Variants in SHC2 observed in about 807,000 individuals in gnomAD.
SHC2 encodes SHC adaptor protein 2.
SHC2 carries 62 observed loss-of-function variants against 60.6 expected under a neutral mutation model. The ratio of observed to expected loss-of-function variants is 1.02; its 90% CI spans 0.83 to 1.26. The LOEUF (loss-of-function observed/expected upper bound fraction) is 1.26, where lower values mean the gene tolerates loss of function less well. SHC2 is among the 50% of genes most tolerant of loss of function. SHC2 has a pLI of 0.00. For missense variants in SHC2, 873 were observed against 822.2 expected, an observed-to-expected ratio of 1.06 and a Z score of -0.76; for synonymous variants, 375 against 372.4, an observed-to-expected ratio of 1.01 and a Z score of -0.08.
At chr19:421,441 A>G (rs1480747657) in intron 11 of SHC2, among the ~76,000 whole-genome samples, 1 of 117,732 alleles carries the variant, frequency 8.5e-6, no homozygotes, top group Non-Finnish European at 1.7e-5. Context: ...AAGAGAGAAA[A>G]AAAGGAAAGG....
At position 422,602 on chromosome 19, in the gene SHC2, T is replaced by A; in HGVS notation, c.1310-146A>T. Reference sequence around the variant, plus strand: ...ACCGAGCGCCCACAGCGTATCAGACTCGCACTCTGCCCAGCCCCGTGCGTG... The same window carrying A: ...ACCGAGCGCCCACAGCGTATCAGACACGCACTCTGCCCAGCCCCGTGCGTG... On this transcript the variant is annotated intron_variant, in intron 10 of 12. Transcript: ENST00000264554. This position sits in a 1 kb window ranked among gnomAD's most constrained non-coding sequence, Gnocchi z 5.0. 1 of 663,852 alleles carries A rather than the reference T, an allele frequency of 1.5e-6. No individual in the cohort carries two copies. The highest frequency in any genetic ancestry group is 2.5e-6 in the Non-Finnish European group (1 of 395,532). 41.1% of individuals were successfully genotyped at this position (663,852 alleles called of 1,614,324 possible).
intron 1 of SHC2, among the ~76,000 whole-genome samples, chr19:450,865 G>C (rs369991753): frequency 2.0e-5 from 3 of 147,556 alleles, no homozygotes; most frequent in Non-Finnish European, 4.5e-5. Flanking sequence ...GTATTTCAGC[G>C]TGTGGATGGC....
intron 4 of SHC2, among the ~76,000 whole-genome samples, chr19:437,021 C>T (rs1974739786): frequency 6.6e-6 from 1 of 151,896 alleles, no homozygotes; most frequent in Non-Finnish European, 1.5e-5. Context: ...ACCCCAAGCC[C>T]CACACACATG....
At chr19:428,029 G>C (rs1974466180) in intron 9 of SHC2, among the ~76,000 whole-genome samples, 1 of 152,196 alleles carries the variant, frequency 6.6e-6, no homozygotes, top group African/African-American at 2.4e-5. Flanking sequence ...AGGGCTTTGA[G>C]ATCAGCCTGG....
In SHC2 at chr19:422,273, T is replaced by A; in HGVS notation, c.1493A>T (p.Glu498Val). Residue 498 changes from glutamate (E) to valine (V), a missense_variant, in exon 11 of 13, where the codon GAG (glutamate) becomes GTG (valine). By Grantham distance (121) the Glu-to-Val change is moderately radical (BLOSUM62 -2). Coordinates refer to ENST00000264554, the MANE Select transcript of SHC2 (RefSeq NM_012435.3). The surrounding 1 kb of genome is among the most constrained non-coding windows in gnomAD (Gnocchi z 5.0). ...GTCCCCGTCAGCTCGAAGCATCCTCTCTGCCGCCCGGCGGCTCATCCGGCC... is the reference window on the plus strand; with the variant it reads ...GTCCCCGTCAGCTCGAAGCATCCTCACTGCCGCCCGGCGGCTCATCCGGCC... ...YHGRMSRRAA[E>V]RMLRADGDFL... The A allele has an allele frequency of 6.2e-7, 1 of 1,612,454 alleles. No individual in the cohort carries two copies. The highest frequency in any genetic ancestry group is 1.1e-5 in the South Asian group (1 of 90,948).
intron 1 of SHC2, among the ~76,000 whole-genome samples, chr19:459,408 G>C (rs1359338870): frequency 1.5e-4 from 21 of 136,928 alleles, no homozygotes; most frequent in Admixed American, 2.9e-4. Flanking sequence ...GGACCCCACT[G>C]AACCCAGCGT....
At position 424,980 on chromosome 19, in the gene SHC2, AG is replaced by A; in HGVS notation, c.1309+116del. ...CGACTTGAAGGATCTCACGGGGAGA[AG>A]GGAGCCTCCCCCATCAGACCAGGGA... On this transcript the variant is annotated intron_variant, in intron 10 of 12. Coordinates refer to ENST00000264554, the MANE Select transcript of SHC2 (RefSeq NM_012435.3). This position sits in a 1 kb window ranked among gnomAD's most constrained non-coding sequence, Gnocchi z 4.5. 2 of 1,132,492 alleles carry A rather than the reference AG, an allele frequency of 1.8e-6. No homozygotes were observed. Among genetic ancestry groups the A allele is most frequent in the Non-Finnish European group, 2.3e-6 (2 of 857,276 alleles). The allele number at this position is 1,132,492 out of a possible 1,614,324, so 70.2% of individuals were successfully genotyped here.
At chr19:456,661 C>T (rs1170158616) in intron 1 of SHC2, among the ~76,000 whole-genome samples, 4 of 152,316 alleles carry the variant, frequency 2.6e-5, no homozygotes, top group East Asian at 1.9e-4. Flanking sequence ...GTGACGCACA[C>T]GCACCAGGTC....
In SHC2 at chr19:440,794, C is replaced by T; in HGVS notation, c.539+68G>A. 1 of 1,375,338 alleles carries T rather than the reference C, an allele frequency of 7.3e-7. No individual in the cohort carries two copies. The highest frequency in any genetic ancestry group is 1.0e-6 in the Non-Finnish European group (1 of 974,976). The allele number at this position is 1,375,338 out of a possible 1,614,324, so 85.2% of individuals were successfully genotyped here. On this transcript the variant is annotated intron_variant, in intron 2 of 12. Coordinates refer to ENST00000264554, the MANE Select transcript of SHC2 (RefSeq NM_012435.3). This position sits in a 1 kb window ranked among gnomAD's most constrained non-coding sequence, Gnocchi z 7.0. Reference sequence around the variant, plus strand: ...CTGTCGGAGAGCCCATCGCTGCCGCCCTCCAGTGCTGCCGCCCTCCAGTGC... The same window carrying T: ...CTGTCGGAGAGCCCATCGCTGCCGCTCTCCAGTGCTGCCGCCCTCCAGTGC...
In SHC2 at chr19:424,243, G is replaced by C. The variant is rs983904614; in HGVS notation, c.1309+854C>G. ...ACAAGCCTCCTCCGCCCGGCTGGGG[G>C]CTCCCTCGGGCTGGGTCATCCACGG... is the stretch of plus-strand genomic sequence containing the variant. On this transcript the variant is annotated intron_variant, in intron 10 of 12. Coordinates refer to ENST00000264554, the MANE Select transcript of SHC2 (RefSeq NM_012435.3). This position sits in a 1 kb window ranked among gnomAD's most constrained non-coding sequence, Gnocchi z 4.5. Among the ~76,000 whole-genome samples the C allele has an allele frequency of 6.6e-6, 1 of 152,198 alleles. No homozygotes were observed. The highest frequency in any genetic ancestry group is 1.5e-5 in the Non-Finnish European group (1 of 68,036).
intron 9 of SHC2, among the ~76,000 whole-genome samples, chr19:429,248 TACCC>T (rs1974501855): frequency 7.6e-6 from 1 of 132,354 alleles, no homozygotes; most frequent in African/African-American, 2.9e-5. Context: ...ACAGTACCTA[TACCC>T]AACATGCACG....
At position 460,944 on chromosome 19, in the gene SHC2, T is replaced by TCGGGGGGCG. The variant is rs921418576; in HGVS notation, c.44_52dup (p.Ala15_Pro17dup). 2.3e-4 allele frequency: 226 copies of TCGGGGGGCG among 984,638 alleles called. No individual in the cohort carries two copies. The highest frequency in any genetic ancestry group is 5.0e-4 in the Admixed American group (8 of 16,060). The allele number at this position is 984,638 out of a possible 1,614,324, so 61.0% of individuals were successfully genotyped here. On this transcript the variant is annotated inframe_insertion, in exon 1 of 13. Coordinates refer to ENST00000264554, the MANE Select transcript of SHC2 (RefSeq NM_012435.3). ...GCAGAAGGTGGTGGGCGCCTCGGGC[T>TCGGGGGGCG]CGGGGGGCGCGGGGGGCGCCGGGGG...
chr19:423,202 T>TGGGGGCTGAGCCAGCTC lies in SHC2; in HGVS notation c.1310-747_1310-746insGAGCTGGCTCAGCCCCC, dbSNP rs1276799315. ...CTGGGGGGTCCTCCCGCCCTGACCC[T>TGGGGGCTGAGCCAGCTC]CACTCCCTGGTCTCCCGCCCCTCCA... On this transcript the variant is annotated intron_variant, in intron 10 of 12. Coordinates refer to ENST00000264554, the MANE Select transcript of SHC2 (RefSeq NM_012435.3). 4.2e-4 allele frequency among the ~76,000 whole-genome samples: 12 copies of TGGGGGCTGAGCCAGCTC among 28,456 alleles called. 1 individual carries two copies. The highest frequency in any genetic ancestry group is 5.6e-4 in the Non-Finnish European group (8 of 14,186). The allele number at this position is 28,456 out of a possible 152,430, so 18.7% of individuals were successfully genotyped here.
In SHC2 at chr19:445,900, A is replaced by G. The variant is rs1481539316; in HGVS notation, c.469-4968T>C. 6.6e-6 allele frequency among the ~76,000 whole-genome samples: 1 copy of G among 151,686 alleles called. No homozygotes were observed. Among genetic ancestry groups the G allele is most frequent in the Admixed American group, 6.6e-5 (1 of 15,238 alleles). On this transcript the variant is annotated intron_variant, in intron 1 of 12. Coordinates refer to ENST00000264554, the MANE Select transcript of SHC2 (RefSeq NM_012435.3). This position sits in a 1 kb window ranked among gnomAD's most constrained non-coding sequence, Gnocchi z 4.4. ...AATACAAAAATAAAAATAAAAATAAAAAAATTAGCTGGGCGTGGTGGTTGC... is the reference window on the plus strand; with the variant it reads ...AATACAAAAATAAAAATAAAAATAAGAAAATTAGCTGGGCGTGGTGGTTGC...
In SHC2 at chr19:460,667, C is replaced by CGCG; in HGVS notation, c.329_330insCGC (p.Gly110_Arg111insAla). 4 of 1,122,942 alleles carry CGCG rather than the reference C, an allele frequency of 3.6e-6. No homozygotes were observed. In the South Asian group the frequency reaches 1.5e-4, roughly 42 times the overall value. The allele number at this position is 1,122,942 out of a possible 1,614,324, so 69.6% of individuals were successfully genotyped here. ...CGTCCCCGGACCCCGCCGCCCCCCG[C>CGCG]CCGCCCCGCGACCCCCGCGACCCCG... On this transcript the variant is annotated inframe_insertion, in exon 1 of 13. Coordinates refer to ENST00000264554, the MANE Select transcript of SHC2 (RefSeq NM_012435.3).
rs576198490 is a variant in SHC2, at chr19:445,759, C to T, written c.469-4827G>A. 3.9e-5 allele frequency among the ~76,000 whole-genome samples: 6 copies of T among 152,040 alleles called. No homozygotes were observed. In the South Asian group the frequency reaches 1.0e-3, roughly 26 times the overall value. Reference sequence around the variant, plus strand: ...TCTTAAAAAACACATTTTTGCCGGGCGCGGTGGCTCACGCCTGTAATCCCA... The same window carrying T: ...TCTTAAAAAACACATTTTTGCCGGGTGCGGTGGCTCACGCCTGTAATCCCA... On this transcript the variant is annotated intron_variant, in intron 1 of 12. Coordinates refer to ENST00000264554, the MANE Select transcript of SHC2 (RefSeq NM_012435.3). This position sits in a 1 kb window ranked among gnomAD's most constrained non-coding sequence, Gnocchi z 4.4.
chr19:430,799 G>A (rs937479661), intron 8 of SHC2, 52 bp from the exon 9 acceptor site: 5 of 1,562,510 alleles, frequency 3.2e-6, no homozygotes, highest in African/African-American at 2.7e-5. Flanking sequence ...CCCTCTTCCT[G>A]GCTCTGGACC....
intron 7 of SHC2, chr19:435,938 C>T (rs1218575364): frequency 3.8e-6 from 2 of 523,020 alleles, no homozygotes; most frequent in South Asian, 2.5e-5. Context: ...ACCGGGGAGT[C>T]AGCTTGCTTA....
chr19:427,895 A>T (rs1201794659), intron 9 of SHC2, among the ~76,000 whole-genome samples: 1 of 140,396 alleles, frequency 7.1e-6, no homozygotes, highest in Non-Finnish European at 1.5e-5. Flanking sequence ...GGAACTGCAC[A>T]CGGCGCAGGG....
Sources: allele counts gnomAD v4.1 joint callset (sites outside exome capture counted in the v4.1 genomes callset), GRCh38; gene constraint gnomAD v4.1.1; non-coding constraint Gnocchi (gnomAD v3.1); transcripts MANE v1.5; gene names NCBI Gene and HGNC (gene_info 2026-07-23, HGNC 2026-07-21).